Variants in TMEM117 observed in about 807,000 individuals in gnomAD.
TMEM117 encodes transmembrane protein 117.
Under a neutral mutation model 52.4 loss-of-function variants are expected in TMEM117, and 27 were observed. That is an observed-to-expected ratio of 0.51 (90% CI 0.38 to 0.71). TMEM117 has a LOEUF of 0.71. TMEM117 is among the 30% of genes least tolerant of loss of function. TMEM117 has a pLI of 0.00. For missense variants in TMEM117, 556 were observed against 630.5 expected (o/e 0.88, Z 1.26); for synonymous variants, 215 against 206.3 (o/e 1.04, Z -0.36).
intron 6 of TMEM117, among the ~76,000 whole-genome samples, chr12:44,372,278 T>TG (rs1951874584): frequency 1.3e-5 from 2 of 152,346 alleles, no homozygotes; most frequent in Admixed American, 1.3e-4. Flanking sequence ...GAACACCTCT[T>TG]GCCTCGTCAT....
At chr12:43,961,211 A>G (rs1459439945) in intron 3 of TMEM117, among the ~76,000 whole-genome samples, 1 of 152,212 alleles carries the variant, frequency 6.6e-6, no homozygotes, top group African/African-American at 2.4e-5. Flanking sequence ...AGCTATTATA[A>G]AAACAGAAAA....
At chr12:44,253,976 G>T (rs1288257834) in intron 5 of TMEM117, among the ~76,000 whole-genome samples, 1 of 134,356 alleles carries the variant, frequency 7.4e-6, no homozygotes, top group African/African-American at 2.8e-5. Context: ...AGTGAAGTTT[G>T]ATCATCATTT....
chr12:44,226,173 C>A (rs1240983186), intron 5 of TMEM117, among the ~76,000 whole-genome samples: 1 of 152,134 alleles, frequency 6.6e-6, no homozygotes, highest in Non-Finnish European at 1.5e-5. Flanking sequence ...CTTAGAGAAC[C>A]AGGCAGAATT....
At chr12:44,273,185 C>G (rs896884315) in intron 5 of TMEM117, among the ~76,000 whole-genome samples, 1 of 151,712 alleles carries the variant, frequency 6.6e-6, no homozygotes, top group African/African-American at 2.4e-5. Flanking sequence ...AACACTTGGA[C>G]ACAGGAAGGG....
At chr12:44,120,436 G>A (rs1948214707) in intron 3 of TMEM117, among the ~76,000 whole-genome samples, 1 of 152,064 alleles carries the variant, frequency 6.6e-6, no homozygotes, top group African/African-American at 2.4e-5. Context: ...TTTATCTAGA[G>A]GCCTCCTGTA....
In TMEM117 at chr12:44,097,357, G is replaced by A. The variant is rs140036456; in HGVS notation, c.411-46168G>A. 7.4e-3 allele frequency among the ~76,000 whole-genome samples: 1,129 copies of A among 151,752 alleles called. 15 individuals are homozygous for A. Among genetic ancestry groups the A allele is most frequent in the African/African-American group, 0.025 (1,043 of 41,414 alleles). Reference sequence around the variant, plus strand: ...AAATACCATTTGACCCAGCCATCCCGTTACTGGGTATATACCCAAAGGACT... The same window carrying A: ...AAATACCATTTGACCCAGCCATCCCATTACTGGGTATATACCCAAAGGACT... On this transcript the variant is annotated intron_variant, in intron 3 of 7. Transcript: ENST00000266534.
chr12:44,300,257 G>T (rs780176010), intron 6 of TMEM117, among the ~76,000 whole-genome samples: 1 of 152,104 alleles, frequency 6.6e-6, no homozygotes, highest in Middle Eastern at 3.2e-3. Flanking sequence ...CCATATTTCT[G>T]CCCTGCTTAG....
intron 3 of TMEM117, among the ~76,000 whole-genome samples, chr12:44,138,371 T>C (rs904742187): frequency 6.6e-6 from 1 of 152,106 alleles, no homozygotes; most frequent in Non-Finnish European, 1.5e-5. Context: ...TAATCACTAA[T>C]GTTGAGAGTA....
rs149622814 is a variant in TMEM117 at position 44,027,191 on chromosome 12, T to G, written c.410+82849T>G. Among the ~76,000 whole-genome samples the G allele has an allele frequency of 1.4e-3, 202 of 145,144 alleles. 3 individuals are homozygous for G. The East Asian group carries it at 0.025, about 18-fold the overall frequency. On this transcript the variant is annotated intron_variant, in intron 3 of 7. Coordinates refer to ENST00000266534, the MANE Select transcript of TMEM117 (RefSeq NM_032256.3). ...TTTATTTTATTTTATTTTATTTTAT[T>G]TTATTTTAATTAGAGATGGAGTCTC...
intron 3 of TMEM117, among the ~76,000 whole-genome samples, chr12:43,951,544 T>C (rs926188217): frequency 1.3e-5 from 2 of 152,154 alleles, no homozygotes; most frequent in Non-Finnish European, 2.9e-5. Context: ...AAAACAGCTG[T>C]GACCAGACTG....
downstream of TMEM117, among the ~76,000 whole-genome samples, chr12:44,391,012 TA>T (rs1408151157): frequency 5.3e-5 from 8 of 151,840 alleles, no homozygotes; most frequent in East Asian, 1.9e-4. Flanking sequence ...AAATTGAGGT[TA>T]AAAAAAAGGA....
chr12:43,868,994 G>T (rs533030917), intron 2 of TMEM117, among the ~76,000 whole-genome samples: 1 of 152,206 alleles, frequency 6.6e-6, no homozygotes, highest in African/African-American at 2.4e-5. Context: ...AATTACCAAT[G>T]TCAAGAATTA....
intron 7 of TMEM117, among the ~76,000 whole-genome samples, chr12:44,384,400 C>G (rs1952060415): frequency 6.6e-6 from 1 of 152,056 alleles, no homozygotes; most frequent in Admixed American, 6.6e-5. Flanking sequence ...CTCACTGCAT[C>G]CCTTCCCCTC....
Position 44,233,456 on chromosome 12 carries a change from A to C in TMEM117, c.608+22069A>C, listed in dbSNP as rs1592627444. 2.0e-5 allele frequency among the ~76,000 whole-genome samples: 3 copies of C among 151,294 alleles called. No homozygotes were observed. The East Asian group carries it at 5.8e-4, about 29-fold the overall frequency. On this transcript the variant is annotated intron_variant, in intron 5 of 7. Coordinates refer to ENST00000266534, the MANE Select transcript of TMEM117 (RefSeq NM_032256.3). ...AGTACACAGAATTAGATTAATCATAATCCTTGATTCAGGAAGCTGTTTCTT... is the reference window on the plus strand; with the variant it reads ...AGTACACAGAATTAGATTAATCATACTCCTTGATTCAGGAAGCTGTTTCTT...
chr12:44,256,292 T>C (rs889712943), intron 5 of TMEM117, among the ~76,000 whole-genome samples: 1 of 151,956 alleles, frequency 6.6e-6, no homozygotes, highest in Non-Finnish European at 1.5e-5. Flanking sequence ...TTTTGCCTGC[T>C]TTTTTATTGC....
At chr12:43,951,412 G>A (rs1945219537) in intron 3 of TMEM117, among the ~76,000 whole-genome samples, 1 of 152,208 alleles carries the variant, frequency 6.6e-6, no homozygotes, top group African/African-American at 2.4e-5. Context: ...CCCATTACCA[G>A]CACAGCAGTC....
chr12:43,923,063 G>A (rs1306434607), intron 2 of TMEM117, among the ~76,000 whole-genome samples: 1 of 152,296 alleles, frequency 6.6e-6, no homozygotes, highest in Non-Finnish European at 1.5e-5. Flanking sequence ...AGTGCTGCCA[G>A]GAGAGATTTG....
intron 2 of TMEM117, among the ~76,000 whole-genome samples, chr12:43,929,122 G>A (rs1944831588): frequency 4.6e-5 from 7 of 151,964 alleles, no homozygotes; most frequent in Admixed American, 4.6e-4. Context: ...TAATGGGATG[G>A]CTGGGTCAAA....
At chr12:43,800,500 T>C in the TMEM117 span, 1 of 1,613,878 alleles carries the variant, frequency 6.2e-7, no homozygotes, top group Non-Finnish European at 8.5e-7. Flanking sequence ...AGAGTTGCTC[T>C]TGTTGCTGCA....
Sources: gnomAD v4.1 joint callset for allele counts (sites outside exome capture counted in the v4.1 genomes callset) on GRCh38, gnomAD v4.1.1 for gene constraint, MANE v1.5 for transcripts, NCBI Gene and HGNC (gene_info 2026-07-23, HGNC 2026-07-21) for gene names.